Variants in YEATS2 observed in about 807,000 individuals in gnomAD.
YEATS2 encodes the protein YEATS domain-containing protein 2.
Under a neutral mutation model 163.2 loss-of-function variants are expected in YEATS2, and 77 were observed. The ratio of observed to expected loss-of-function variants is 0.47; its 90% CI spans 0.39 to 0.57. The LOEUF (loss-of-function observed/expected upper bound fraction) is 0.57, where lower values mean the gene tolerates loss of function less well. YEATS2 is among the 20% of genes least tolerant of loss of function. YEATS2 has a pLI of 0.00. For missense variants in YEATS2, 1,549 were observed against 1,729.8 expected (o/e 0.90, Z 1.85); for synonymous variants, 631 against 645.1 (o/e 0.98, Z 0.33).
intron 15 of YEATS2, among the ~76,000 whole-genome samples, chr3:183,767,496 T>C (rs1221112510): frequency 6.6e-6 from 1 of 152,014 alleles, no homozygotes; most frequent in Non-Finnish European, 1.5e-5. Flanking sequence ...TTCTCTTGAC[T>C]CAGCCTCCCA....
chr3:183,778,120 A>G (rs1723188273), intron 19 of YEATS2, among the ~76,000 whole-genome samples: 1 of 148,348 alleles, frequency 6.7e-6, no homozygotes, highest in Non-Finnish European at 1.5e-5. Context: ...TCAAAAAAAA[A>G]AAAAAAAAGA....
At chr3:183,767,262 G>A (rs1721998615) in intron 15 of YEATS2, among the ~76,000 whole-genome samples, 1 of 152,090 alleles carries the variant, frequency 6.6e-6, no homozygotes, top group African/African-American at 2.4e-5. Flanking sequence ...GTCTAGCTCC[G>A]TTGCCCAGGC....
intron 13 of YEATS2, 102 bp from the exon 14 acceptor site, chr3:183,761,405 T>A: frequency 8.8e-7 from 1 of 1,133,000 alleles, no homozygotes; most frequent in South Asian, 1.3e-5. Context: ...TATTTCTTTA[T>A]ATTGCTAGAG....
chr3:183,732,557 A>T (rs1444095252), intron 7 of YEATS2, among the ~76,000 whole-genome samples: 1 of 151,568 alleles, frequency 6.6e-6, no homozygotes, highest in South Asian at 2.1e-4. Context: ...TTTATTTTTT[A>T]TTTTTATTTT....
intron 7 of YEATS2, among the ~76,000 whole-genome samples, chr3:183,734,642 T>G (rs558465881): frequency 6.6e-6 from 1 of 152,322 alleles, no homozygotes; most frequent in African/African-American, 2.4e-5. Context: ...AGAATTAACA[T>G]GCAGGAGGTA....
intron 27 of YEATS2, among the ~76,000 whole-genome samples, chr3:183,805,995 C>T (rs1296555533): frequency 6.6e-6 from 1 of 152,004 alleles, no homozygotes; most frequent in African/African-American, 2.4e-5. Flanking sequence ...AAGCACAGTA[C>T]TTGCACATAC....
At chr3:183,728,585 T>C in intron 6 of YEATS2, 105 bp from the exon 7 acceptor site, 1 of 1,069,760 alleles carries the variant, frequency 9.3e-7, no homozygotes. Flanking sequence ...TTGTTAAATA[T>C]TGCAGGAATT....
At chr3:183,722,568 C>T (rs781088816) in intron 5 of YEATS2, among the ~76,000 whole-genome samples, 7 of 151,980 alleles carry the variant, frequency 4.6e-5, no homozygotes, top group African/African-American at 7.3e-5. Context: ...GGATTATAGG[C>T]GTGAGCCACT....
chr3:183,781,191 C>G (rs867227892), intron 19 of YEATS2, among the ~76,000 whole-genome samples: 51 of 152,126 alleles, frequency 3.4e-4, no homozygotes, highest in African/African-American at 1.2e-3. Flanking sequence ...CCACGACATG[C>G]TGTTAGCAGG....
At chr3:183,778,361 C>T (rs377190108) in intron 19 of YEATS2, among the ~76,000 whole-genome samples, 87 of 152,212 alleles carry the variant, frequency 5.7e-4, no homozygotes, top group East Asian at 3.1e-3. Context: ...AAGAAAAAAA[C>T]GCATATTTCT....
At chr3:183,749,251 T>C (rs1454441588) in intron 9 of YEATS2, among the ~76,000 whole-genome samples, 2 of 152,222 alleles carry the variant, frequency 1.3e-5, no homozygotes, top group Admixed American at 6.5e-5. Flanking sequence ...CCGGTTCATA[T>C]ATTTTTTAAA....
chr3:183,808,141 G>A, intron 29 of YEATS2, 37 bp downstream of exon 29: 1 of 1,537,022 alleles, frequency 6.5e-7, no homozygotes, highest in Non-Finnish European at 8.8e-7. Flanking sequence ...AGGAAGGATG[G>A]TTGCATCCCA....
At chr3:183,702,243 G>A (rs1377564333) in intron 1 of YEATS2, among the ~76,000 whole-genome samples, 3 of 152,170 alleles carry the variant, frequency 2.0e-5, no homozygotes, top group Admixed American at 6.5e-5. Flanking sequence ...TCAAGCGTTC[G>A]AGACCAGCCT....
At chr3:183,751,980 T>A in intron 9 of YEATS2, 93 bp from the exon 10 acceptor site, 7 of 1,393,470 alleles carry the variant, frequency 5.0e-6, no homozygotes, top group Non-Finnish European at 7.0e-6. Context: ...AAGTTATCTC[T>A]CACATCCCGG....
At chr3:183,735,097 A>G (rs16858047) in intron 7 of YEATS2, among the ~76,000 whole-genome samples, 4,088 of 152,260 alleles carry the variant, frequency 0.027, 180 homozygotes, top group African/African-American at 0.092. Flanking sequence ...CTCTGGCAGC[A>G]GTCTTTCCTG....
In YEATS2 at chr3:183,811,371, C is replaced by G. The variant is rs1186487896; in HGVS notation, c.*788C>G. ...TTACACATGTGTGCGAAGCAGATCG[C>G]AGGTTCCACGCCATCTGCATGGCCT... On this transcript the variant is annotated 3_prime_UTR_variant, in exon 31 of 31. Coordinates refer to ENST00000305135, the MANE Select transcript of YEATS2 (RefSeq NM_018023.5). 1 of 152,654 alleles carries G rather than the reference C, an allele frequency of 6.6e-6. No homozygotes were observed. The highest frequency in any genetic ancestry group is 1.5e-5 in the Non-Finnish European group (1 of 68,082). The allele number at this position is 152,654 out of a possible 1,614,324, so 9.5% of individuals were successfully genotyped here. A position where few individuals can be genotyped will look rare whatever the true frequency, so the allele number is the denominator to read the frequency against.
chr3:183,744,911 C>T (rs185594229), intron 8 of YEATS2, among the ~76,000 whole-genome samples: 13 of 152,070 alleles, frequency 8.5e-5, no homozygotes, highest in South Asian at 2.1e-4. Context: ...AGTGCAGTGG[C>T]GCAGTTTCGG....
At chr3:183,806,147 T>C in intron 27 of YEATS2, 3 of 374,288 alleles carry the variant, frequency 8.0e-6, no homozygotes, top group Non-Finnish European at 1.6e-5. Context: ...CTTGTCCAGA[T>C]AAGGCCATCG....
At chr3:183,793,394 G>A in intron 21 of YEATS2, 2 of 1,071,010 alleles carry the variant, frequency 1.9e-6, no homozygotes, top group Non-Finnish European at 2.3e-6. Context: ...TTCTAGTATA[G>A]GGAGTACTTG....
Sources: gnomAD v4.1 joint callset for allele counts (sites outside exome capture counted in the v4.1 genomes callset) on GRCh38, gnomAD v4.1.1 for gene constraint, MANE v1.5 for transcripts, NCBI Gene and HGNC (gene_info 2026-07-23, HGNC 2026-07-21) for gene names.